The following SPMAP2L variants were observed in gnomAD, a reference collection of about 807,000 sequenced individuals.
SPMAP2L encodes sperm microtubule associated protein 2 like, also known as sperm microtubule associated protein 2-like.
At chr4:56,617,656 C>A in the SPMAP2L span, among the ~76,000 whole-genome samples, 5 of 152,102 alleles carry the variant, frequency 3.3e-5, no homozygotes. Context: ...TTTAGTTGTC[C>A]GGACAACATA....
the SPMAP2L span, among the ~76,000 whole-genome samples, chr4:56,553,224 T>C: frequency 7.8e-6 from 1 of 128,678 alleles, no homozygotes; most frequent in East Asian, 2.6e-4. Context: ...AGGGTTTCAC[T>C]CTGTTTCTCA....
chr4:56,531,712 C>A, the SPMAP2L span, among the ~76,000 whole-genome samples: 1 of 152,196 alleles, frequency 6.6e-6, no homozygotes, highest in Non-Finnish European at 1.5e-5. Flanking sequence ...TCCTCACCAC[C>A]TTCACAAGGT....
chr4:56,585,614 T>G, the SPMAP2L span, among the ~76,000 whole-genome samples: 1 of 152,170 alleles, frequency 6.6e-6, no homozygotes, highest in Non-Finnish European at 1.5e-5. Context: ...AATGCTGGGA[T>G]TATAGGTGTG....
At chr4:56,548,978 CT>C in the SPMAP2L span, among the ~76,000 whole-genome samples, 2 of 149,860 alleles carry the variant, frequency 1.3e-5, no homozygotes, top group African/African-American at 2.5e-5. Flanking sequence ...TCTTTCTTTT[CT>C]TTTCTTTCTT....
chr4:56,594,127 T>C, the SPMAP2L span: 6 of 1,608,700 alleles, frequency 3.7e-6, no homozygotes, highest in South Asian at 3.3e-5. Flanking sequence ...TCTTTGTTTG[T>C]GAGTCATCTG....
At chr4:56,617,895 A>T in the SPMAP2L span, among the ~76,000 whole-genome samples, 1 of 152,048 alleles carries the variant, frequency 6.6e-6, no homozygotes, top group Admixed American at 6.5e-5. Flanking sequence ...GCTCCGTCCA[A>T]ATTCTGCGTC....
At chr4:56,559,274 C>G in the SPMAP2L span, 2 of 1,045,164 alleles carry the variant, frequency 1.9e-6, no homozygotes, top group Middle Eastern at 6.8e-4. Context: ...GCGCTCCACT[C>G]CAGCCTGGGC....
the SPMAP2L span, among the ~76,000 whole-genome samples, chr4:56,612,575 C>CT: frequency 3.5e-4 from 41 of 117,616 alleles, no homozygotes; most frequent in Non-Finnish European, 3.4e-4. Context: ...GAATTGTTTA[C>CT]TTTTTTTTTT....
chr4:56,595,466 G>A, the SPMAP2L span: 13 of 1,599,896 alleles, frequency 8.1e-6, no homozygotes, highest in South Asian at 3.3e-5. Context: ...GAGGAGGGCC[G>A]CATCGACCCC....
At chr4:56,599,291 C>T in the SPMAP2L span, among the ~76,000 whole-genome samples, 1 of 152,064 alleles carries the variant, frequency 6.6e-6, no homozygotes, top group Non-Finnish European at 1.5e-5. Context: ...TCAAGTGATC[C>T]TCCCACTTCA....
At chr4:56,625,624 G>A in the SPMAP2L span, among the ~76,000 whole-genome samples, 2 of 152,218 alleles carry the variant, frequency 1.3e-5, no homozygotes, top group East Asian at 1.9e-4. Flanking sequence ...GGTTTATCAG[G>A]GGTTTCCACT....
chr4:56,552,647 G>T, the SPMAP2L span: 2 of 1,200,142 alleles, frequency 1.7e-6, no homozygotes, highest in African/African-American at 1.5e-5. Flanking sequence ...TGTTTGTGAT[G>T]ATTGTGTTCA....
chr4:56,597,378 C>T, the SPMAP2L span, among the ~76,000 whole-genome samples: 1,561 of 152,250 alleles, frequency 0.01, 27 homozygotes, highest in African/African-American at 0.036. Context: ...GGCTTCCCTC[C>T]CTCTTCATCC....
chr4:56,554,829 A>T, the SPMAP2L span, among the ~76,000 whole-genome samples: 4 of 151,822 alleles, frequency 2.6e-5, no homozygotes, highest in Non-Finnish European at 4.4e-5. Context: ...ATCTAGACAC[A>T]TTTTGAGTTA....
At chr4:56,532,118 C>A in the SPMAP2L span, among the ~76,000 whole-genome samples, 2 of 152,172 alleles carry the variant, frequency 1.3e-5, no homozygotes, top group African/African-American at 4.8e-5. Flanking sequence ...CTTGGCACTG[C>A]CTGGCAAGCT....
At chr4:56,569,952 T>C in the SPMAP2L span, among the ~76,000 whole-genome samples, 879 of 152,344 alleles carry the variant, frequency 5.8e-3, 16 homozygotes, top group South Asian at 0.065. Context: ...CCCAAGGATT[T>C]ATGCTGTAAT....
chr4:56,580,496 C>T, the SPMAP2L span, among the ~76,000 whole-genome samples: 1 of 152,140 alleles, frequency 6.6e-6, no homozygotes, highest in African/African-American at 2.4e-5. Flanking sequence ...AGGGAATCTA[C>T]AAGAAACACA....
chr4:56,544,835 G>A, the SPMAP2L span, among the ~76,000 whole-genome samples: 1 of 152,214 alleles, frequency 6.6e-6, no homozygotes, highest in Non-Finnish European at 1.5e-5. Flanking sequence ...GCACAACTAC[G>A]TCATCCTCTG....
At chr4:56,604,882 C>CTAAG in the SPMAP2L span, among the ~76,000 whole-genome samples, 366 of 152,210 alleles carry the variant, frequency 2.4e-3, no homozygotes, top group African/African-American at 7.3e-3. Context: ...GGCCATTATT[C>CTAAG]TAAGTGAAGT....
Sources: allele counts gnomAD v4.1 joint callset (sites outside exome capture counted in the v4.1 genomes callset), GRCh38; gene constraint gnomAD v4.1.1; transcripts MANE v1.5; gene names NCBI Gene and HGNC (gene_info 2026-07-23, HGNC 2026-07-21).